FNDC3A: variants seen among roughly 807,000 people sequenced by gnomAD.
FNDC3A encodes the protein fibronectin type III domain containing 3A, also known as fibronectin type-III domain-containing protein 3A.
Under a neutral mutation model 148.9 loss-of-function variants are expected in FNDC3A, and 32 were observed. The observed-to-expected ratio is 0.21, with a 90% CI of 0.16 to 0.29. FNDC3A has a LOEUF of 0.29. Ranked by LOEUF, FNDC3A falls within the 10% of genes least tolerant of loss-of-function variation. FNDC3A has a pLI of 1.00. For synonymous variants in FNDC3A, 472 were observed against 473.6 expected, an observed-to-expected ratio of 1.00 and a Z score of 0.04; for missense variants, 1,191 against 1,452.8, an observed-to-expected ratio of 0.82 and a Z score of 2.93.
At chr13:49,013,441 T>TAAGTATAC (rs1952401701) in intron 2 of FNDC3A, among the ~76,000 whole-genome samples, 1 of 152,032 alleles carries the variant, frequency 6.6e-6, no homozygotes, top group East Asian at 1.9e-4. Context: ...GTTAGTTACA[T>TAAGTATAC]ATGTATACAT....
chr13:49,050,710 TTGA>T (rs1875772210), intron 2 of FNDC3A, among the ~76,000 whole-genome samples: 2 of 152,206 alleles, frequency 1.3e-5, no homozygotes, highest in South Asian at 4.1e-4. Context: ...ACTTTCTGTC[TTGA>T]TGATCTGTCT....
At chr13:49,002,866 G>A (rs1055073085) in intron 1 of FNDC3A, among the ~76,000 whole-genome samples, 25 of 152,090 alleles carry the variant, frequency 1.6e-4, no homozygotes, top group African/African-American at 5.3e-4. Flanking sequence ...AACAAGTAAT[G>A]GCTTCTATGA....
chr13:49,155,442 C>A (rs1593672195), intron 8 of FNDC3A, among the ~76,000 whole-genome samples: 2 of 148,598 alleles, frequency 1.3e-5, no homozygotes, highest in Admixed American at 6.7e-5. Context: ...AGCGGTCTAT[C>A]TATTTTGTTG....
intron 1 of FNDC3A, among the ~76,000 whole-genome samples, chr13:48,980,612 C>T (rs1215895055): frequency 6.6e-6 from 1 of 152,068 alleles, no homozygotes; most frequent in East Asian, 1.9e-4. Context: ...ATATAAGTAT[C>T]AGCTGTTTTG....
chr13:48,996,566 G>C (rs183903834), intron 1 of FNDC3A, among the ~76,000 whole-genome samples: 1 of 152,286 alleles, frequency 6.6e-6, no homozygotes, highest in East Asian at 1.9e-4. Context: ...AGGAGAATGT[G>C]CATAGGTTAT....
intron 6 of FNDC3A, among the ~76,000 whole-genome samples, chr13:49,137,102 T>C (rs1321341192): frequency 1.3e-5 from 2 of 152,020 alleles, no homozygotes; most frequent in Non-Finnish European, 2.9e-5. Context: ...GCTGCAATTA[T>C]AGGCCTGAGC....
At chr13:49,203,548 A>G (rs940485628) in intron 25 of FNDC3A, among the ~76,000 whole-genome samples, 18 of 152,204 alleles carry the variant, frequency 1.2e-4, no homozygotes, top group Non-Finnish European at 2.2e-4. Flanking sequence ...CCTTGCCTCC[A>G]TGGAGCTTAC....
chr13:49,045,743 T>C, intron 2 of FNDC3A: 1 of 919,356 alleles, frequency 1.1e-6, no homozygotes, highest in Non-Finnish European at 1.6e-6. Flanking sequence ...CAGGATGTTT[T>C]CTTTGTTTTG....
chr13:49,002,825 A>G (rs1346034176), intron 1 of FNDC3A, among the ~76,000 whole-genome samples: 1 of 152,190 alleles, frequency 6.6e-6, no homozygotes, highest in African/African-American at 2.4e-5. Context: ...AAACAGCCAC[A>G]GTTTATTTAC....
At chr13:49,038,625 A>G (rs1040922481) in intron 2 of FNDC3A, among the ~76,000 whole-genome samples, 15 of 152,352 alleles carry the variant, frequency 9.8e-5, no homozygotes, top group African/African-American at 3.4e-4. Context: ...ATGGTAGCCA[A>G]GATAATTTAT....
At chr13:49,060,966 A>G (rs1876640633) in intron 2 of FNDC3A, among the ~76,000 whole-genome samples, 1 of 152,208 alleles carries the variant, frequency 6.6e-6, no homozygotes, top group South Asian at 2.1e-4. Flanking sequence ...ACTGAAGGTT[A>G]CACTTTAATA....
chr13:49,160,990 T>A (rs1199762598), intron 8 of FNDC3A, among the ~76,000 whole-genome samples: 9 of 152,216 alleles, frequency 5.9e-5, no homozygotes. Context: ...AGAGACAGTT[T>A]GTTATAATTT....
intron 2 of FNDC3A, among the ~76,000 whole-genome samples, chr13:49,052,154 A>C (rs1875887470): frequency 6.6e-6 from 1 of 152,108 alleles, no homozygotes; most frequent in Non-Finnish European, 1.5e-5. Context: ...TTTGCTTAAT[A>C]ATCTACCTTC....
At chr13:49,161,846 G>A (rs975211988) in intron 8 of FNDC3A, among the ~76,000 whole-genome samples, 2 of 152,072 alleles carry the variant, frequency 1.3e-5, no homozygotes, top group Non-Finnish European at 2.9e-5. Context: ...TGTCTGTAAA[G>A]GATTTTATTT....
At chr13:48,991,873 CCTAT>C (rs1228301668) in intron 1 of FNDC3A, among the ~76,000 whole-genome samples, 1 of 152,270 alleles carries the variant, frequency 6.6e-6, no homozygotes, top group East Asian at 1.9e-4. Flanking sequence ...CTTAGCCTAG[CCTAT>C]CTTAAATGTG....
rs369746082 is a variant in FNDC3A at position 49,174,520 on chromosome 13, G to A, written c.1316G>A (p.Cys439Tyr). The A allele has an allele frequency of 2.5e-6, 4 of 1,612,584 alleles. No individual in the cohort carries two copies. Among genetic ancestry groups the A allele is most frequent in the Admixed American group, 3.3e-5 (2 of 59,946 alleles). Reference protein sequence around the residue: ...KITKLSPAMGCKFRLSARNDY... With the variant: ...KITKLSPAMGYKFRLSARNDY... ...ACTAAACTTTCACCAGCAATGGGCT[G>A]TAAATTCAGACTATCGGCCAGAAAT... The change falls in exon 12 of 26, where the codon TGT (cysteine) becomes TAT (tyrosine). Residue 439 changes from cysteine (C) to tyrosine (Y), a missense_variant. By Grantham distance (194) the Cys-to-Tyr change is radical (BLOSUM62 -2). Transcript: ENST00000492622.
intron 15 of FNDC3A, among the ~76,000 whole-genome samples, chr13:49,186,525 C>G (rs1419485997): frequency 1.3e-5 from 2 of 152,228 alleles, no homozygotes; most frequent in African/African-American, 4.8e-5. Context: ...AATAAAAATG[C>G]TTCAGTGATA....
intron 3 of FNDC3A, among the ~76,000 whole-genome samples, chr13:49,079,085 T>C (rs1046704562): frequency 6.6e-6 from 1 of 152,234 alleles, no homozygotes; most frequent in Non-Finnish European, 1.5e-5. Flanking sequence ...CAGAGAACTT[T>C]AGACATCTAA....
In FNDC3A at chr13:49,124,575, T is replaced by C. The variant is rs1593624314; in HGVS notation, c.253-6562T>C. On this transcript the variant is annotated intron_variant, in intron 4 of 25. Coordinates refer to ENST00000492622, the MANE Select transcript of FNDC3A (RefSeq NM_001079673.2). ...GTCCACATACCAAGATTATGTACTT[T>C]ACACATAAATAACCTCCATAGCCAT... 3.9e-5 allele frequency among the ~76,000 whole-genome samples: 6 copies of C among 152,272 alleles called. 2 individuals are homozygous for C. The highest frequency in any genetic ancestry group is 3.9e-4 in the Admixed American group (6 of 15,284).
Sources: allele counts gnomAD v4.1 joint callset (sites outside exome capture counted in the v4.1 genomes callset), GRCh38; gene constraint gnomAD v4.1.1; transcripts MANE v1.5; gene names NCBI Gene and HGNC (gene_info 2026-07-23, HGNC 2026-07-21).